CNBD1: variants seen among roughly 807,000 people sequenced by gnomAD.
The protein encoded by CNBD1 is cyclic nucleotide-binding domain-containing protein 1.
A neutral mutation model predicts 54.4 loss-of-function variants in CNBD1; 71 were observed. The ratio of observed to expected loss-of-function variants is 1.30; its 90% CI spans 1.08 to 1.59. CNBD1 has a LOEUF of 1.59. CNBD1 is among the 40% of genes most tolerant of loss of function. The pLI, the probability that CNBD1 is intolerant of heterozygous loss-of-function variation, is 0.00. For synonymous variants in CNBD1, 182 were observed against 170.7 expected, an observed-to-expected ratio of 1.07 and a Z score of -0.51; for missense variants, 659 against 518.0, an observed-to-expected ratio of 1.27 and a Z score of -2.64.
At chr8:87,203,180 C>T (rs1289566787) in intron 4 of CNBD1, among the ~76,000 whole-genome samples, 1 of 152,116 alleles carries the variant, frequency 6.6e-6, no homozygotes, top group African/African-American at 2.4e-5. Context: ...ATTTTATCTA[C>T]AGAAAGAATA....
chr8:87,328,800 A>G (rs527767866), intron 8 of CNBD1, among the ~76,000 whole-genome samples: 1 of 152,098 alleles, frequency 6.6e-6, no homozygotes, highest in East Asian at 1.9e-4. Context: ...TATATTTTTC[A>G]GTGTGCAAGC....
downstream of CNBD1, among the ~76,000 whole-genome samples, chr8:87,384,176 C>T (rs1398472020): frequency 2.0e-5 from 3 of 151,982 alleles, no homozygotes; most frequent in Non-Finnish European, 2.9e-5. Flanking sequence ...TTTCCATGCA[C>T]CATTATCTAA....
intron 4 of CNBD1, among the ~76,000 whole-genome samples, chr8:87,028,915 A>G (rs1809716493): frequency 6.6e-6 from 1 of 152,230 alleles, no homozygotes; most frequent in South Asian, 2.1e-4. Flanking sequence ...CAAGGTGTAC[A>G]AGGCTTCCCT....
intron 6 of CNBD1, among the ~76,000 whole-genome samples, chr8:87,256,016 T>TATATATATATA (rs1491444638): frequency 2.6e-3 from 31 of 12,108 alleles, no homozygotes; most frequent in South Asian, 0.015. Context: ...TATATATATA[T>TATATATATATA]TTTTTTTTTT....
intron 4 of CNBD1, among the ~76,000 whole-genome samples, chr8:87,049,029 GA>G (rs1388096820): frequency 6.6e-6 from 1 of 152,218 alleles, no homozygotes; most frequent in Non-Finnish European, 1.5e-5. Flanking sequence ...CCCGAGGGCT[GA>G]AAAGTGTATC....
intron 5 of CNBD1, among the ~76,000 whole-genome samples, chr8:87,223,610 A>G (rs1814400048): frequency 6.6e-6 from 1 of 152,142 alleles, no homozygotes; most frequent in South Asian, 2.1e-4. Context: ...CATGGTGTAT[A>G]TGTGCCACAT....
At chr8:87,374,946 A>T (rs538478377) in intron 10 of CNBD1, among the ~76,000 whole-genome samples, 1 of 150,086 alleles carries the variant, frequency 6.7e-6, no homozygotes, top group Non-Finnish European at 1.5e-5. Context: ...ACAACTGGCA[A>T]AAATGCAAGG....
At chr8:87,210,343 A>G (rs1814070184) in intron 5 of CNBD1, among the ~76,000 whole-genome samples, 1 of 152,230 alleles carries the variant, frequency 6.6e-6, no homozygotes, top group Non-Finnish European at 1.5e-5. Context: ...TTATGGGTGG[A>G]AGAATCCAAG....
At chr8:87,114,436 C>CTACAACT in intron 4 of CNBD1, among the ~76,000 whole-genome samples, 1 of 152,132 alleles carries the variant, frequency 6.6e-6, no homozygotes, top group Non-Finnish European at 1.5e-5. Flanking sequence ...CTACAACCTC[C>CTACAACT]GCCTCCCAGG....
chr8:86,989,626 A>C (rs184406238), intron 4 of CNBD1, among the ~76,000 whole-genome samples: 9 of 151,440 alleles, frequency 5.9e-5, no homozygotes, highest in Non-Finnish European at 1.3e-4. Context: ...AATTTTTTGT[A>C]TTTTAGTAGA....
chr8:87,093,093 T>C (rs1410192126), intron 4 of CNBD1, among the ~76,000 whole-genome samples: 2 of 152,196 alleles, frequency 1.3e-5, no homozygotes, highest in Non-Finnish European at 2.9e-5. Flanking sequence ...CTCTGACTTC[T>C]AGAATAGATG....
In CNBD1 at chr8:87,229,495, G is replaced by A. The variant is rs1047160246; in HGVS notation, c.578-7424G>A. On this transcript the variant is annotated intron_variant, in intron 5 of 10. Coordinates refer to ENST00000518476, the MANE Select transcript of CNBD1 (RefSeq NM_173538.3). ...GTTAGTAATATTTTAATTGTTCTTTGACACCTTAATTAGATAGTAATCTTT... is the reference window on the plus strand; with the variant it reads ...GTTAGTAATATTTTAATTGTTCTTTAACACCTTAATTAGATAGTAATCTTT... Among the ~76,000 whole-genome samples the A allele has an allele frequency of 2.0e-5, 3 of 151,950 alleles. No individual in the cohort carries two copies. In the East Asian group the frequency reaches 5.8e-4, roughly 29 times the overall value.
chr8:87,385,948 T>C (rs148396112), downstream of CNBD1, among the ~76,000 whole-genome samples: 1,480 of 152,198 alleles, frequency 9.7e-3, 21 homozygotes, highest in African/African-American at 0.033. Flanking sequence ...GCAGCAACAG[T>C]TGCTGTTCAC....
intron 3 of CNBD1, among the ~76,000 whole-genome samples, chr8:86,930,621 G>A (rs1563826045): frequency 6.6e-6 from 1 of 152,296 alleles, no homozygotes; most frequent in East Asian, 1.9e-4. Context: ...GTCCAGAACA[G>A]TGAACCATTC....
chr8:87,052,336 A>T (rs866990651), intron 4 of CNBD1, among the ~76,000 whole-genome samples: 2 of 152,182 alleles, frequency 1.3e-5, no homozygotes, highest in African/African-American at 4.8e-5. Flanking sequence ...CTGCCCCTCA[A>T]TTGAATCAGG....
intron 5 of CNBD1, among the ~76,000 whole-genome samples, chr8:87,219,276 A>G (rs1814274809): frequency 6.6e-6 from 1 of 152,046 alleles, no homozygotes; most frequent in African/African-American, 2.4e-5. Flanking sequence ...GAAAACTACA[A>G]TAAGTATTAT....
chr8:87,154,950 G>A lies in CNBD1; in HGVS notation c.432-51043G>A, dbSNP rs192863231. On this transcript the variant is annotated intron_variant, in intron 4 of 10. Coordinates refer to ENST00000518476, the MANE Select transcript of CNBD1 (RefSeq NM_173538.3). Reference sequence around the variant, plus strand: ...TGATTCATATGAAAGGTAAATTTAGGAGGAGTTAAATGAGAGTATCATAGC... The same window carrying A: ...TGATTCATATGAAAGGTAAATTTAGAAGGAGTTAAATGAGAGTATCATAGC... Among the ~76,000 whole-genome samples the A allele has an allele frequency of 1.1e-3, 174 of 152,084 alleles. 1 individual carries two copies. The highest frequency in any genetic ancestry group is 2.0e-3 in the Non-Finnish European group (137 of 68,028).
intron 4 of CNBD1, among the ~76,000 whole-genome samples, chr8:87,159,675 T>G (rs569292980): frequency 2.2e-4 from 33 of 152,204 alleles, no homozygotes; most frequent in African/African-American, 7.9e-4. Flanking sequence ...CAGTTTCTGA[T>G]GTTATCTGAG....
intron 10 of CNBD1, among the ~76,000 whole-genome samples, chr8:87,373,911 A>T (rs961801642): frequency 2.0e-5 from 3 of 151,814 alleles, no homozygotes; most frequent in Non-Finnish European, 4.4e-5. Flanking sequence ...CTATTTCATG[A>T]TTAATTTAAA....
Sources: allele counts gnomAD v4.1 joint callset (sites outside exome capture counted in the v4.1 genomes callset), GRCh38; gene constraint gnomAD v4.1.1; transcripts MANE v1.5; gene names NCBI Gene and HGNC (gene_info 2026-07-23, HGNC 2026-07-21).